ACYP2: variants seen among roughly 807,000 people sequenced by gnomAD.
The protein encoded by ACYP2 is acylphosphatase 2.
A neutral mutation model predicts 11.2 loss-of-function variants in ACYP2; 12 were observed. The ratio of observed to expected loss-of-function variants is 1.08; its 90% confidence interval spans 0.69 to 1.74. The LOEUF is 1.74. Ranked by LOEUF, ACYP2 falls within the 40% of genes most tolerant of loss-of-function variation. ACYP2 has a pLI of 0.00. For missense variants in ACYP2, 134 were observed against 101.9 expected, an observed-to-expected ratio of 1.31 and a Z score of -1.35; for synonymous variants, 43 against 32.2, an observed-to-expected ratio of 1.33 and a Z score of -1.13.
chr2:54,151,135 T>C (rs1433537341), intron 6 of ACYP2, among the ~76,000 whole-genome samples: 3 of 152,356 alleles, frequency 2.0e-5, no homozygotes, highest in African/African-American at 4.8e-5. Context: ...TACTCACTAA[T>C]AGAGTTGTGT....
At chr2:54,169,972 T>C (rs1368777621) in intron 6 of ACYP2, among the ~76,000 whole-genome samples, 1 of 152,204 alleles carries the variant, frequency 6.6e-6, no homozygotes, top group Non-Finnish European at 1.5e-5. Flanking sequence ...GACAAATCTA[T>C]TGATGTCCTA....
chr2:54,193,571 T>A (rs1457487141), intron 6 of ACYP2, among the ~76,000 whole-genome samples: 1 of 152,212 alleles, frequency 6.6e-6, no homozygotes, highest in Non-Finnish European at 1.5e-5. Flanking sequence ...GAATACAATT[T>A]AGCTTTATAT....
At chr2:53,999,604 G>A (rs1414164161) in intron 2 of ACYP2, among the ~76,000 whole-genome samples, 2 of 152,110 alleles carry the variant, frequency 1.3e-5, no homozygotes, top group Non-Finnish European at 2.9e-5. Flanking sequence ...GACGCTGCTA[G>A]GACAAGACAT....
At chr2:54,008,248 C>T (rs983016713) in intron 2 of ACYP2, among the ~76,000 whole-genome samples, 2 of 152,222 alleles carry the variant, frequency 1.3e-5, no homozygotes, top group African/African-American at 2.4e-5. Flanking sequence ...CTAAAGTCCA[C>T]TAACACCTCT....
rs1162075575 is a variant in ACYP2, at chr2:54,008,047, T to A, written c.62+34237T>A. On this transcript the variant is annotated intron_variant, in intron 2 of 6. Coordinates refer to ENST00000607452, the MANE Select transcript of ACYP2 (RefSeq NM_001320586.2). The stretch of plus-strand genomic sequence containing the variant: ...TAGAAGCAACATGGAGTCAGCTATG[T>A]TAGAATTTCTCTTACTGTCGTAATT... 2.0e-5 allele frequency among the ~76,000 whole-genome samples: 3 copies of A among 152,190 alleles called. No individual in the cohort carries two copies. The East Asian group carries it at 5.8e-4, about 29-fold the overall frequency.
chr2:54,061,628 G>A (rs1030986326), intron 4 of ACYP2, among the ~76,000 whole-genome samples: 1 of 152,216 alleles, frequency 6.6e-6, no homozygotes, highest in Non-Finnish European at 1.5e-5. Flanking sequence ...GTTAGTTCAT[G>A]AAATTTATGA....
intron 6 of ACYP2, among the ~76,000 whole-genome samples, chr2:54,170,089 T>G (rs1683161744): frequency 6.6e-6 from 1 of 152,162 alleles, no homozygotes; most frequent in Non-Finnish European, 1.5e-5. Context: ...AGTTTTTATA[T>G]TTTTAGAACT....
rs117804690 is a variant in ACYP2 at position 53,999,045 on chromosome 2, G to A, written c.62+25235G>A. The stretch of plus-strand genomic sequence containing the variant: ...TGTCACATGGCCATGCTTAATTGTT[G>A]GGGAAGGGTAGGCAACTGTAAAGGA... On this transcript the variant is annotated intron_variant, in intron 2 of 6. Transcript: ENST00000607452. Among the ~76,000 whole-genome samples, 27 of 152,174 alleles carry A rather than the reference G, an allele frequency of 1.8e-4. 1 individual carries two copies. The East Asian group carries it at 5.2e-3, about 29-fold the overall frequency.
intron 2 of ACYP2, among the ~76,000 whole-genome samples, chr2:54,043,968 G>A (rs1193447775): frequency 6.6e-6 from 1 of 152,088 alleles, no homozygotes; most frequent in Non-Finnish European, 1.5e-5. Flanking sequence ...TGTATGTGAG[G>A]ATGAGAAATA....
rs938609432 is a variant in ACYP2, at chr2:54,252,265, C to T, written c.405-52423C>T. On this transcript the variant is annotated intron_variant, in intron 6 of 6. Transcript: ENST00000607452. ...GGCATAATTCTTTCTTAATAGTATA[C>T]CATTGTGTGAACATTTTAAAAAATT... Among the ~76,000 whole-genome samples, 5 of 152,246 alleles carry T rather than the reference C, an allele frequency of 3.3e-5. No individual in the cohort carries two copies. The South Asian group carries it at 1.0e-3, about 32-fold the overall frequency.
intron 6 of ACYP2, among the ~76,000 whole-genome samples, chr2:54,234,636 T>C (rs1210526477): frequency 6.6e-6 from 1 of 152,250 alleles, no homozygotes; most frequent in Non-Finnish European, 1.5e-5. Context: ...TGGCTGTTAT[T>C]TTTTCGGTTA....
chr2:54,026,560 A>G (rs1353091828), intron 2 of ACYP2, among the ~76,000 whole-genome samples: 1 of 44,576 alleles, frequency 2.2e-5, no homozygotes, highest in Non-Finnish European at 4.8e-5. Flanking sequence ...ATTACTGGGT[A>G]TCTACCCAGA....
intron 2 of ACYP2, among the ~76,000 whole-genome samples, chr2:54,034,076 C>T (rs547144640): frequency 6.6e-6 from 1 of 152,130 alleles, no homozygotes; most frequent in South Asian, 2.1e-4. Flanking sequence ...TTGGTTTTTG[C>T]CAGAAAGCCC....
chr2:54,157,860 C>G (rs1682504211), intron 6 of ACYP2, among the ~76,000 whole-genome samples: 1 of 152,100 alleles, frequency 6.6e-6, no homozygotes, highest in South Asian at 2.1e-4. Context: ...TGCAGAGGGT[C>G]TGGGAAGAGC....
chr2:54,002,248 G>T (rs1672835717), intron 2 of ACYP2, among the ~76,000 whole-genome samples: 1 of 152,148 alleles, frequency 6.6e-6, no homozygotes, highest in Admixed American at 6.6e-5. Context: ...TATACAGCAG[G>T]AGTCATACAG....
chr2:54,190,989 C>T (rs1455939508), intron 6 of ACYP2, among the ~76,000 whole-genome samples: 1 of 152,124 alleles, frequency 6.6e-6, no homozygotes, highest in Non-Finnish European at 1.5e-5. Flanking sequence ...CATCTCTCAG[C>T]CATTACTAAA....
chr2:54,207,181 G>GTGTGTGTGTGTGTT (rs1685110477), intron 6 of ACYP2, among the ~76,000 whole-genome samples: 1 of 150,316 alleles, frequency 6.7e-6, no homozygotes, highest in Non-Finnish European at 1.5e-5. Flanking sequence ...ATATGTGTGT[G>GTGTGTGTGTGTGTT]TGTGTGTGTG....
chr2:54,044,224 A>G (rs1047936701), intron 2 of ACYP2, among the ~76,000 whole-genome samples: 5 of 152,202 alleles, frequency 3.3e-5, no homozygotes, highest in African/African-American at 1.2e-4. Flanking sequence ...GTGTTGACAC[A>G]AGAATATGTC....
chr2:54,152,591 C>A (rs529502439), intron 6 of ACYP2, among the ~76,000 whole-genome samples: 272 of 152,262 alleles, frequency 1.8e-3, no homozygotes, highest in Non-Finnish European at 3.1e-3. Context: ...CCACTGATGT[C>A]TTTACTGTCT....
Sources: gnomAD v4.1 joint callset for allele counts (sites outside exome capture counted in the v4.1 genomes callset) on GRCh38, gnomAD v4.1.1 for gene constraint, MANE v1.5 for transcripts, NCBI Gene and HGNC (gene_info 2026-07-23, HGNC 2026-07-21) for gene names.